Variants in AFAP1L2 observed in about 807,000 individuals in gnomAD.
AFAP1L2 encodes actin filament-associated protein 1-like 2.
A neutral mutation model predicts 99.3 loss-of-function variants in AFAP1L2; 46 were observed. That is an observed-to-expected ratio of 0.46 (90% confidence interval 0.37 to 0.59). The LOEUF (loss-of-function observed/expected upper bound fraction) is 0.59. AFAP1L2 is among the 20% of genes least tolerant of loss of function. The pLI, the probability that AFAP1L2 is intolerant of heterozygous loss-of-function variation, is 0.00. For missense variants in AFAP1L2, 959 were observed against 1,034.9 expected, an observed-to-expected ratio of 0.93 and a Z score of 1.01; for synonymous variants, 397 against 419.1, an observed-to-expected ratio of 0.95 and a Z score of 0.64.
chr10:114,390,720 C>CAAAAAA (rs59448495), intron 1 of AFAP1L2, among the ~76,000 whole-genome samples: 1 of 89,832 alleles, frequency 1.1e-5, no homozygotes, highest in Non-Finnish European at 2.3e-5. Context: ...GACTCTGTCT[C>CAAAAAA]AAAAAAAAAA....
At chr10:114,361,886 C>G (rs1407468746) in intron 1 of AFAP1L2, among the ~76,000 whole-genome samples, 1 of 152,196 alleles carries the variant, frequency 6.6e-6, no homozygotes, top group African/African-American at 2.4e-5. Flanking sequence ...TTCTGCACCT[C>G]TTGGATGAGG....
At chr10:114,282,283 C>T in the AFAP1L2 span, among the ~76,000 whole-genome samples, 7 of 152,250 alleles carry the variant, frequency 4.6e-5, no homozygotes, top group South Asian at 4.1e-4. Flanking sequence ...GGATTGCAGG[C>T]GTGAGCCACC....
chr10:114,292,225 C>T (rs1467554014), downstream of AFAP1L2, among the ~76,000 whole-genome samples: 5 of 150,982 alleles, frequency 3.3e-5, no homozygotes, highest in East Asian at 5.9e-4. Context: ...TACAGTGAGC[C>T]GAGATCTCAC....
chr10:114,288,719 G>A, the AFAP1L2 span, among the ~76,000 whole-genome samples: 5 of 152,358 alleles, frequency 3.3e-5, no homozygotes, highest in Admixed American at 2.0e-4. Flanking sequence ...CTAGCTGCCA[G>A]GAAGTCTGGG....
intron 1 of AFAP1L2, among the ~76,000 whole-genome samples, chr10:114,401,426 T>C (rs2058222919): frequency 6.6e-6 from 1 of 152,084 alleles, no homozygotes; most frequent in African/African-American, 2.4e-5. Context: ...CTTATGAGAG[T>C]CATAAATATG....
At chr10:114,290,283 G>T, downstream of AFAP1L2, 11 of 1,550,622 alleles carry the variant, frequency 7.1e-6, no homozygotes, top group Non-Finnish European at 9.6e-6. Flanking sequence ...GCCCGTGCAT[G>T]AATGAGGGCA....
At chr10:114,297,461 G>T in intron 16 of AFAP1L2, 48 bp from the exon 17 acceptor site, 1 of 1,578,090 alleles carries the variant, frequency 6.3e-7, no homozygotes, top group African/African-American at 1.3e-5. Flanking sequence ...CTCAGCCCAG[G>T]CCAGGGAGCC....
chr10:114,330,115 A>G (rs2047008722), intron 4 of AFAP1L2, among the ~76,000 whole-genome samples: 1 of 152,028 alleles, frequency 6.6e-6, no homozygotes, highest in Admixed American at 6.5e-5. Context: ...AGCTCAAGGG[A>G]CGGCATGCAA....
At chr10:114,318,405 C>A (rs2044487810) in intron 5 of AFAP1L2, among the ~76,000 whole-genome samples, 1 of 151,726 alleles carries the variant, frequency 6.6e-6, no homozygotes, top group African/African-American at 2.4e-5. Context: ...CTAAGAACGG[C>A]AAATCATCAA....
intron 1 of AFAP1L2, among the ~76,000 whole-genome samples, chr10:114,367,596 G>A (rs943850057): frequency 4.6e-5 from 7 of 152,170 alleles, no homozygotes; most frequent in African/African-American, 1.4e-4. Context: ...CTGATAACAG[G>A]GGACTGAGGC....
intron 1 of AFAP1L2, among the ~76,000 whole-genome samples, chr10:114,392,689 T>A (rs670183): frequency 0.53 from 79,885 of 152,024 alleles, 21,065 homozygotes; most frequent in East Asian, 0.58. Context: ...GTAATTTTTT[T>A]AAAAGCCATT....
intron 1 of AFAP1L2, among the ~76,000 whole-genome samples, chr10:114,400,125 G>C (rs1003380132): frequency 1.3e-5 from 2 of 152,236 alleles, no homozygotes; most frequent in Admixed American, 6.5e-5. Context: ...CTTGAGGAAA[G>C]TCTCCCTTCT....
rs541359281 is a variant in AFAP1L2, at chr10:114,295,077, C to A, written c.*965G>T. 3 of 983,482 alleles carry A rather than the reference C, an allele frequency of 3.1e-6. No individual in the cohort carries two copies. The highest frequency in any genetic ancestry group is 3.6e-6 in the Non-Finnish European group (3 of 829,582). 60.9% of individuals were successfully genotyped at this position (983,482 alleles called of 1,614,324 possible). On this transcript the variant is annotated 3_prime_UTR_variant, in exon 19 of 19. Coordinates refer to ENST00000304129, the MANE Select transcript of AFAP1L2 (RefSeq NM_001001936.3). ...GACAGGGGCAGCACAAGGAACAGCA[C>A]TGCCAATTTTAAGAGGGCGATCACC... is the stretch of plus-strand genomic sequence containing the variant.
intron 1 of AFAP1L2, among the ~76,000 whole-genome samples, chr10:114,365,598 T>G (rs183475235): frequency 1.3e-4 from 20 of 152,258 alleles, no homozygotes; most frequent in Admixed American, 1.2e-3. Context: ...ATACTCCCCA[T>G]GAGGCTCATG....
chr10:114,402,924 C>G (rs372022660), intron 1 of AFAP1L2, among the ~76,000 whole-genome samples: 1 of 152,158 alleles, frequency 6.6e-6, no homozygotes, highest in South Asian at 2.1e-4. Flanking sequence ...TCCTGTCAGG[C>G]TCAACTCAAG....
At chr10:114,402,296 T>C (rs1316435566) in intron 1 of AFAP1L2, among the ~76,000 whole-genome samples, 1 of 152,210 alleles carries the variant, frequency 6.6e-6, no homozygotes, top group Non-Finnish European at 1.5e-5. Context: ...GAGGAACTTT[T>C]CCATTTAAAG....
intron 9 of AFAP1L2, 112 bp from the exon 10 acceptor site, chr10:114,308,021 G>A (rs1464777560): frequency 8.2e-6 from 7 of 853,168 alleles, no homozygotes; most frequent in South Asian, 4.2e-5. Flanking sequence ...ATCCCTCCCC[G>A]CTACATATGC....
At chr10:114,331,924 C>T (rs768860633) in intron 3 of AFAP1L2, 27 bp from the exon 4 acceptor site, 15 of 1,273,136 alleles carry the variant, frequency 1.2e-5, no homozygotes, top group African/African-American at 1.5e-5. Flanking sequence ...GAAAAGGCTT[C>T]GGTGAGGGGT....
intron 10 of AFAP1L2, among the ~76,000 whole-genome samples, chr10:114,306,879 T>A (rs774289744): frequency 6.6e-6 from 1 of 152,158 alleles, no homozygotes; most frequent in Non-Finnish European, 1.5e-5. Context: ...CTGAGGCCAC[T>A]GCCTGGCACC....
Sources: gnomAD v4.1 joint callset for allele counts (sites outside exome capture counted in the v4.1 genomes callset) on GRCh38, gnomAD v4.1.1 for gene constraint, MANE v1.5 for transcripts, NCBI Gene and HGNC (gene_info 2026-07-23, HGNC 2026-07-21) for gene names.